The following ATG2A variants were observed in gnomAD, a reference collection of about 807,000 sequenced individuals.
The protein encoded by ATG2A is autophagy related 2A.
In ATG2A, 103 loss-of-function variants were observed where a neutral mutation model predicts 214.2. That is an observed-to-expected ratio of 0.48 (90% CI 0.41 to 0.57). The LOEUF (loss-of-function observed/expected upper bound fraction) is 0.57. ATG2A is among the 20% of genes least tolerant of loss of function. ATG2A has a pLI of 0.00. For synonymous variants in ATG2A, 1,160 were observed against 1,142.1 expected (o/e 1.02, Z -0.32); for missense variants, 2,312 against 2,613.2 (o/e 0.88, Z 2.51).
intron 24 of ATG2A, 87 bp downstream of exon 24, chr11:64,905,476 A>G (rs1213408365): frequency 7.4e-7 from 1 of 1,358,852 alleles, no homozygotes; most frequent in Non-Finnish European, 1.0e-6. Context: ...GTGTACATTA[A>G]GACCGAGAGC....
In ATG2A at chr11:64,912,407, T is replaced by C; in HGVS notation, c.842A>G (p.Gln281Arg). The change falls in exon 7 of 41, where the codon CAG (glutamine) becomes CGG (arginine). Residue 281 changes from glutamine to arginine, a missense_variant. Transcript: ENST00000377264. ...FPGPKLEVAG[Q>R]LGSLHLLLTP... is the part of the protein sequence containing the mutation. ...CAGGAGCAGGTGCAGGGAGCCCAGC[T>C]GTCCCGCCACCTCCAACTGGGGGCC... is the stretch of plus-strand genomic sequence containing the variant. 1.3e-6 allele frequency: 2 copies of C among 1,550,812 alleles called. No homozygotes were observed. The highest frequency in any genetic ancestry group is 1.7e-6 in the Non-Finnish European group (2 of 1,147,738).
intron 27 of ATG2A, 24 bp downstream of exon 27, chr11:64,902,492 T>C (rs923135292): frequency 6.5e-7 from 1 of 1,532,744 alleles, no homozygotes; most frequent in African/African-American, 1.4e-5. Context: ...TCTGGTAGCC[T>C]GTGTGGCCAG....
In ATG2A at chr11:64,900,524, G is replaced by A; in HGVS notation, c.4434C>T (p.His1478=). The change falls in exon 31 of 41, where the codon CAC becomes CAT. Residue 1478 remains histidine, a synonymous_variant. Coordinates refer to ENST00000377264, the MANE Select transcript of ATG2A (RefSeq NM_015104.3). ...TCAGCTGGATCTCCATGAGGACATG[G>A]TGCTGCCGCCCGCTGCCCCCCTGCG... The part of the protein sequence containing the change: ...WRTQGGSGRQ[H]HVLMEIQLSK... 1 of 1,613,516 alleles carries A rather than the reference G, an allele frequency of 6.2e-7. No individual in the cohort carries two copies. The highest frequency in any genetic ancestry group is 8.5e-7 in the Non-Finnish European group (1 of 1,180,016).
chr11:64,904,968 G>A (rs993681752), intron 24 of ATG2A, among the ~76,000 whole-genome samples: 12 of 152,304 alleles, frequency 7.9e-5, no homozygotes, highest in African/African-American at 2.2e-4. Context: ...TGATTCTCCT[G>A]CCTCAGCCTC....
chr11:64,907,678 G>A lies in ATG2A; in HGVS notation c.2508-14C>T. On this transcript the variant is annotated splice_polypyrimidine_tract_variant and intron_variant, in intron 17 of 40. Transcript: ENST00000377264. Reference sequence around the variant, plus strand: ...TCGTTGTTGATCCTGAGATAGGCGGGTGGACAGCAGGTAAGGGAGGCCAGG... The same window carrying A: ...TCGTTGTTGATCCTGAGATAGGCGGATGGACAGCAGGTAAGGGAGGCCAGG... 1.3e-6 allele frequency: 2 copies of A among 1,597,238 alleles called. No homozygotes were observed. The highest frequency in any genetic ancestry group is 3.3e-4 in the Middle Eastern group (2 of 6,032).
chr11:64,901,074 C>G lies in ATG2A; in HGVS notation c.4138G>C (p.Val1380Leu). The change falls in exon 30 of 41, where the codon GTG (valine) becomes CTG (leucine). Residue 1380 changes from valine (V) to leucine (L), a missense_variant. Val to Leu is a conservative substitution (Grantham distance 32). Transcript: ENST00000377264. ...GGGCCGGGATGCAGCTGTGTCACCA[C>G]AGGCTCCCCATCTCGGGGCTGCAGG... ...LGIPPRDGEP[V>L]VTQLHPGPIV... 6.4e-7 allele frequency: 1 copy of G among 1,572,032 alleles called. No individual in the cohort carries two copies.
Position 64,900,972 on chromosome 11 carries a change from C to T in ATG2A, c.4240G>A (p.Val1414Met). The change falls in exon 30 of 41, where the codon GTG (valine) becomes ATG (methionine). Residue 1414 changes from valine (V) to methionine (M), a missense_variant. Coordinates refer to ENST00000377264, the MANE Select transcript of ATG2A (RefSeq NM_015104.3). Reference sequence around the variant, plus strand: ...CGTAGCACCACCCGAGTGCTGGGCACTGGGAAATGGGCAGGTGCCCGCAGC... The same window carrying T: ...CGTAGCACCACCCGAGTGCTGGGCATTGGGAAATGGGCAGGTGCCCGCAGC... ...DLLRAPAHFP[V>M]PSTRVVLREV... The T allele has an allele frequency of 6.3e-7, 1 of 1,586,914 alleles. No homozygotes were observed. The highest frequency in any genetic ancestry group is 8.6e-7 in the Non-Finnish European group (1 of 1,166,930).
rs772991379 is a variant in ATG2A, at chr11:64,898,278, G to A, written c.4756C>T (p.Arg1586Trp). The change falls in exon 33 of 41, where the codon CGG (arginine) becomes TGG (tryptophan). Residue 1586 changes from arginine to tryptophan, a missense_variant. By Grantham distance (101) the Arg-to-Trp change is moderately radical. Coordinates refer to ENST00000377264, the MANE Select transcript of ATG2A (RefSeq NM_015104.3). This position sits in a 1 kb window ranked among gnomAD's most constrained non-coding sequence, Gnocchi z 4.5. ...CCACTCACCTGGTCCACATTGAGCC[G>A]CAGGGGCATCAGCGAGACGCGGAGA... ...CCLRVSLMPL[R>W]LNVDQDALFF... 11 of 1,613,414 alleles carry A rather than the reference G, an allele frequency of 6.8e-6. No homozygotes were observed. Among genetic ancestry groups the A allele is most frequent in the Admixed American group, 1.7e-5 (1 of 59,924 alleles).
chr11:64,901,895 G>A (rs1944361840), intron 29 of ATG2A, 67 bp downstream of exon 29: 4 of 1,566,638 alleles, frequency 2.6e-6, no homozygotes, highest in South Asian at 1.1e-5. Flanking sequence ...CCACCCCTGA[G>A]TGTTCCGTCC....
chr11:64,912,971 G>A (rs1944833004), intron 6 of ATG2A, 67 bp downstream of exon 6: 1 of 1,165,742 alleles, frequency 8.6e-7, no homozygotes, highest in East Asian at 2.6e-5. Flanking sequence ...TAGATAATCA[G>A]CCTTGCTGAG....
chr11:64,913,255 A>G lies in ATG2A; in HGVS notation c.726+11T>C. On this transcript the variant is annotated intron_variant, in intron 5 of 40. Coordinates refer to ENST00000377264, the MANE Select transcript of ATG2A (RefSeq NM_015104.3). The surrounding 1 kb of genome is among the most constrained non-coding windows in gnomAD (Gnocchi z 4.3). Reference sequence around the variant, plus strand: ...AGGAGACAGGGGCTGTGGGAATCAGAGCCCGCTCACCTGTGCCGGGAGCTC... The same window carrying G: ...AGGAGACAGGGGCTGTGGGAATCAGGGCCCGCTCACCTGTGCCGGGAGCTC... 6.2e-7 allele frequency: 1 copy of G among 1,612,044 alleles called. No homozygotes were observed. Among genetic ancestry groups the G allele is most frequent in the South Asian group, 1.1e-5 (1 of 90,764 alleles).
rs762232844 is a variant in ATG2A at position 64,898,419 on chromosome 11, C to T, written c.4672-57G>A. 2.0e-6 allele frequency: 3 copies of T among 1,470,208 alleles called. No individual in the cohort carries two copies. In the Admixed American group the frequency reaches 6.7e-5, roughly 33 times the overall value. 91.1% of individuals were successfully genotyped at this position (1,470,208 alleles called of 1,614,324 possible). A position where few individuals can be genotyped will look rare whatever the true frequency, so the allele number is the denominator to read the frequency against. On this transcript the variant is annotated intron_variant, in intron 32 of 40. Coordinates refer to ENST00000377264, the MANE Select transcript of ATG2A (RefSeq NM_015104.3). This position sits in a 1 kb window ranked among gnomAD's most constrained non-coding sequence, Gnocchi z 4.5. The stretch of plus-strand genomic sequence containing the variant: ...CTGGGCCTCTGGGGCAGCAGCTCAC[C>T]CAGCTGTTCCCTGACAGCTCACCCA...
chr11:64,898,221 T>G lies in ATG2A; in HGVS notation c.4773+40A>C. On this transcript the variant is annotated intron_variant, in intron 33 of 40. Transcript: ENST00000377264. The surrounding 1 kb of genome is among the most constrained non-coding windows in gnomAD (Gnocchi z 4.5). ...ATCAGACTCAGAGGCCTGGAGACAGTGGGGTCACCCTAGGCTCTGCCCTCA... is the reference window on the plus strand; with the variant it reads ...ATCAGACTCAGAGGCCTGGAGACAGGGGGGTCACCCTAGGCTCTGCCCTCA... 1 of 1,613,486 alleles carries G rather than the reference T, an allele frequency of 6.2e-7. No individual in the cohort carries two copies. The highest frequency in any genetic ancestry group is 8.5e-7 in the Non-Finnish European group (1 of 1,179,626).
Position 64,901,938 on chromosome 11 carries a change from T to C in ATG2A, c.4119+24A>G, listed in dbSNP as rs750751276. 15 of 1,608,762 alleles carry C rather than the reference T, an allele frequency of 9.3e-6. No individual in the cohort carries two copies. In the South Asian group the frequency reaches 1.6e-4, roughly 18 times the overall value. On this transcript the variant is annotated intron_variant, in intron 29 of 40. Coordinates refer to ENST00000377264, the MANE Select transcript of ATG2A (RefSeq NM_015104.3). ...AAACACACCTGCCTGGACGGCAAAC[T>C]GGTCCATCCCTCCCACCACGCACCG...
At position 64,901,096 on chromosome 11, in the gene ATG2A, C is replaced by A; in HGVS notation, c.4120-4G>T. 1.9e-6 allele frequency: 3 copies of A among 1,556,570 alleles called. No homozygotes were observed. Among genetic ancestry groups the A allele is most frequent in the Non-Finnish European group, 2.6e-6 (3 of 1,150,470 alleles). ...CCACAGGCTCCCCATCTCGGGGCTG[C>A]AGGGAGGCCAGGTAGACGTGTGACA... On this transcript the variant is annotated splice_polypyrimidine_tract_variant and splice_region_variant and intron_variant, in intron 29 of 40. Coordinates refer to ENST00000377264, the MANE Select transcript of ATG2A (RefSeq NM_015104.3).
At position 64,898,058 on chromosome 11, in the gene ATG2A, C is replaced by A; in HGVS notation, c.4858+28G>T. On this transcript the variant is annotated intron_variant, in intron 34 of 40. Transcript: ENST00000377264. The surrounding 1 kb of genome is among the most constrained non-coding windows in gnomAD (Gnocchi z 4.5). ...TGTCCTGGGAGGCAGAAGGCCCAGA[C>A]GCTCCCCTCCCTGGCCCAGCCTCTC... 1 of 1,612,204 alleles carries A rather than the reference C, an allele frequency of 6.2e-7. No homozygotes were observed.
At position 64,914,320 on chromosome 11, in the gene ATG2A, G is replaced by A; in HGVS notation, c.334+18C>T. 2 of 1,580,710 alleles carry A rather than the reference G, an allele frequency of 1.3e-6. No individual in the cohort carries two copies. Among genetic ancestry groups the A allele is most frequent in the Non-Finnish European group, 1.7e-6 (2 of 1,163,956 alleles). On this transcript the variant is annotated intron_variant, in intron 2 of 40. Coordinates refer to ENST00000377264, the MANE Select transcript of ATG2A (RefSeq NM_015104.3). ...CACTCTCCCCACTTGCCTGCCCCCAGCCTCGCCCTGCCCTCACCTGGACCC... is the reference window on the plus strand; with the variant it reads ...CACTCTCCCCACTTGCCTGCCCCCAACCTCGCCCTGCCCTCACCTGGACCC...
chr11:64,901,117 T>C (rs922101967), intron 29 of ATG2A, 25 bp from the exon 30 acceptor site: 1 of 1,548,706 alleles, frequency 6.5e-7, no homozygotes, highest in African/African-American at 1.4e-5. Context: ...GGTAGACGTG[T>C]GACACAGATG....
chr11:64,911,222 TC>T lies in ATG2A; in HGVS notation c.1281del (p.Lys428ArgfsTer2). 6.2e-7 allele frequency: 1 copy of T among 1,614,072 alleles called. No individual in the cohort carries two copies. Among genetic ancestry groups the T allele is most frequent in the Non-Finnish European group, 8.5e-7 (1 of 1,180,030 alleles). On this transcript the variant is annotated frameshift_variant, in exon 10 of 41. Transcript: ENST00000377264. LOFTEE classifies it high-confidence loss of function. ...AGGGTCACACCCCCCAAGGTCATCT[TC>T]AGCAGCGAGTCAGGGCGCATGGTGT... Reference protein sequence around the residue: ...LLDTMRPDSLLKMTLGGVTLT... With the variant: ...LLDTMRPDSLXKMTLGGVTLT...
Sources: allele counts gnomAD v4.1 joint callset (sites outside exome capture counted in the v4.1 genomes callset), GRCh38; gene constraint gnomAD v4.1.1; non-coding constraint Gnocchi (gnomAD v3.1); transcripts MANE v1.5; gene names NCBI Gene and HGNC (gene_info 2026-07-23, HGNC 2026-07-21).